Variants in PSIP1 observed in about 807,000 individuals in gnomAD.
PSIP1 encodes the protein PC4 and SFRS1-interacting protein.
In PSIP1, 19 loss-of-function variants were observed where a neutral mutation model predicts 74.7. The observed-to-expected ratio is 0.25, with a 90% CI of 0.18 to 0.37. PSIP1 has a LOEUF of 0.37. Ranked by LOEUF, PSIP1 falls within the 10% of genes least tolerant of loss-of-function variation. The pLI, the probability that PSIP1 is intolerant of heterozygous loss-of-function variation, is 1.00. For synonymous variants in PSIP1, 222 were observed against 195.3 expected (o/e 1.14, Z -1.14); for missense variants, 601 against 614.3 (o/e 0.98, Z 0.23).
At chr9:15,501,300 C>T (rs570317549) in intron 3 of PSIP1, among the ~76,000 whole-genome samples, 2 of 151,850 alleles carry the variant, frequency 1.3e-5, no homozygotes, top group East Asian at 3.9e-4. Context: ...TATTTAACAG[C>T]TACTAAGTGC....
intron 3 of PSIP1, among the ~76,000 whole-genome samples, chr9:15,496,715 T>C (rs2037091349): frequency 6.6e-6 from 1 of 152,226 alleles, no homozygotes; most frequent in African/African-American, 2.4e-5. Context: ...TATCTTAATA[T>C]ACCAAAAATT....
chr9:15,496,431 T>C (rs2037079024), intron 3 of PSIP1, among the ~76,000 whole-genome samples: 1 of 152,240 alleles, frequency 6.6e-6, no homozygotes, highest in South Asian at 2.1e-4. Context: ...TTGAGCTTTG[T>C]CTCACAAAAT....
chr9:15,484,434 A>G (rs972992240), intron 6 of PSIP1, among the ~76,000 whole-genome samples: 29 of 151,760 alleles, frequency 1.9e-4, no homozygotes, highest in African/African-American at 6.8e-4. Context: ...CCCCATCTCT[A>G]CTAAAAATAC....
intron 6 of PSIP1, among the ~76,000 whole-genome samples, chr9:15,481,339 A>G (rs191549761): frequency 3.9e-5 from 6 of 152,344 alleles, no homozygotes; most frequent in Admixed American, 2.0e-4. Flanking sequence ...CTTTGGTGCA[A>G]AGAAGACTCT....
rs1261756578 is a variant in PSIP1, at chr9:15,478,534, G to A, written c.572C>T (p.Pro191Leu). The A allele has an allele frequency of 6.2e-7, 1 of 1,602,480 alleles. No individual in the cohort carries two copies. Among genetic ancestry groups the A allele is most frequent in the Non-Finnish European group, 8.5e-7 (1 of 1,170,040 alleles). ...GRPAATEVKI[P>L]KPRGRPKMVK... ...CATTTTGGGTCTGCCTCTTGGTTTT[G>A]GAATCTTGACTTCTGTAGCTAATAT... Residue 191 changes from proline (P) to leucine (L), a missense_variant, in exon 8 of 16, where the codon CCA becomes CTA. Physicochemically the swap from Pro to Leu is moderately conservative, Grantham distance 98. Coordinates refer to ENST00000380733, the MANE Select transcript of PSIP1 (RefSeq NM_033222.5).
In PSIP1 at chr9:15,465,388, G is replaced by C. The variant is rs1352921111; in HGVS notation, c.*132C>G. ...ATGTTTACTTTACTTTAAAACAAAGGGATTTTCTCCCTCAAAACAAGTTTT... is the reference window on the plus strand; with the variant it reads ...ATGTTTACTTTACTTTAAAACAAAGCGATTTTCTCCCTCAAAACAAGTTTT... On this transcript the variant is annotated 3_prime_UTR_variant, in exon 16 of 16. Coordinates refer to ENST00000380733, the MANE Select transcript of PSIP1 (RefSeq NM_033222.5). The C allele has an allele frequency of 4.1e-6, 3 of 738,134 alleles. No individual in the cohort carries two copies. The highest frequency in any genetic ancestry group is 3.9e-5 in the African/African-American group (2 of 51,648). 45.7% of individuals were successfully genotyped at this position (738,134 alleles called of 1,614,324 possible).
intron 3 of PSIP1, 183 bp downstream of exon 3, chr9:15,506,378 T>TA: frequency 2.3e-6 from 1 of 430,418 alleles, no homozygotes; most frequent in Non-Finnish European, 4.1e-6. Flanking sequence ...TCAATTCCAG[T>TA]AAAAAATAAA....
intron 2 of PSIP1, among the ~76,000 whole-genome samples, chr9:15,507,774 C>T (rs1336039477): frequency 6.6e-6 from 1 of 152,028 alleles, no homozygotes; most frequent in Non-Finnish European, 1.5e-5. Context: ...ACCTACTATC[C>T]TCTGTAAGCA....
rs902938480 is a variant in PSIP1, at chr9:15,464,673, A to AT, written c.*846dup. 5.0e-6 allele frequency: 1 copy of AT among 198,082 alleles called. No individual in the cohort carries two copies. The highest frequency in any genetic ancestry group is 2.3e-5 in the African/African-American group (1 of 43,370). 12.3% of individuals were successfully genotyped at this position (198,082 alleles called of 1,614,324 possible). A position where few individuals can be genotyped will look rare whatever the true frequency, so the allele number is the denominator to read the frequency against. ...TAAGTTTTAGTGACTTCCTAAAGAC[A>AT]TTTTTAACAACATTCCTCAAAAATA... On this transcript the variant is annotated 3_prime_UTR_variant, in exon 16 of 16. Transcript: ENST00000380733.
At chr9:15,474,268 G>T in intron 8 of PSIP1, 31 bp from the exon 9 acceptor site, 5 of 1,521,720 alleles carry the variant, frequency 3.3e-6, no homozygotes, top group Non-Finnish European at 4.5e-6. Context: ...ATGTATACTT[G>T]TCATTCAACT....
At chr9:15,488,049 G>A (rs1041555636) in intron 4 of PSIP1, among the ~76,000 whole-genome samples, 1 of 152,126 alleles carries the variant, frequency 6.6e-6, no homozygotes, top group East Asian at 1.9e-4. Context: ...TAAAAAGCTA[G>A]GCCGGGCACA....
chr9:15,503,655 G>C (rs1026896037), intron 3 of PSIP1, among the ~76,000 whole-genome samples: 1 of 150,100 alleles, frequency 6.7e-6, no homozygotes, highest in Non-Finnish European at 1.5e-5. Context: ...ATGAGACTCT[G>C]TCTCCAAAAA....
intron 2 of PSIP1, among the ~76,000 whole-genome samples, chr9:15,509,368 G>A (rs7470146): frequency 2.0e-5 from 3 of 152,066 alleles, no homozygotes; most frequent in African/African-American, 7.2e-5. Flanking sequence ...ATGGAGCGTA[G>A]ATCTTTAAAC....
Position 15,488,893 on chromosome 9 carries a change from C to T in PSIP1, c.288+1093G>A, listed in dbSNP as rs553063653. The stretch of plus-strand genomic sequence containing the variant: ...AAAATTAGCCGGGTGTGGTGGCGGG[C>T]ACCTGTAGTCCCAGCTACTCGGAAG... On this transcript the variant is annotated intron_variant, in intron 4 of 15. Transcript: ENST00000380733. Among the ~76,000 whole-genome samples, 87 of 152,052 alleles carry T rather than the reference C, an allele frequency of 5.7e-4. No individual in the cohort carries two copies. In the East Asian group the frequency reaches 0.012, roughly 21 times the overall value.
chr9:15,476,822 G>C (rs962129669), intron 8 of PSIP1, among the ~76,000 whole-genome samples: 1 of 152,168 alleles, frequency 6.6e-6, no homozygotes, highest in Non-Finnish European at 1.5e-5. Context: ...AAGTAAGTGA[G>C]ATGAGGATAA....
Position 15,510,193 on chromosome 9 carries a change from C to CG in PSIP1, c.-6dup. 1 of 1,602,614 alleles carries CG rather than the reference C, an allele frequency of 6.2e-7. No homozygotes were observed. Among genetic ancestry groups the CG allele is most frequent in the South Asian group, 1.1e-5 (1 of 89,760 alleles). On this transcript the variant is annotated 5_prime_UTR_variant, in exon 2 of 16. Transcript: ENST00000380733. ...AGGTTTGAAATCGCGAGTCATGTTT[C>CG]GGGGGCGAGACCGGGGGTCCGAAGC... is the stretch of plus-strand genomic sequence containing the variant.
chr9:15,488,890 G>A (rs192876261), intron 4 of PSIP1, among the ~76,000 whole-genome samples: 54 of 152,004 alleles, frequency 3.6e-4, no homozygotes, highest in Admixed American at 8.5e-4. Flanking sequence ...GTGTGGTGGC[G>A]GGCACCTGTA....
At chr9:15,479,823 T>C in intron 6 of PSIP1, 136 bp from the exon 7 acceptor site, 1 of 508,140 alleles carries the variant, frequency 2.0e-6, no homozygotes, top group Non-Finnish European at 3.3e-6. Context: ...CTTTTGTTTT[T>C]TCAACAATCA....
At chr9:15,484,654 G>C (rs2036480450) in intron 6 of PSIP1, among the ~76,000 whole-genome samples, 1 of 152,096 alleles carries the variant, frequency 6.6e-6, no homozygotes, top group Admixed American at 6.5e-5. Flanking sequence ...GTGAACCTGG[G>C]AGGTGAAGGT....
Sources: gnomAD v4.1 joint callset for allele counts (sites outside exome capture counted in the v4.1 genomes callset) on GRCh38, gnomAD v4.1.1 for gene constraint, MANE v1.5 for transcripts, NCBI Gene and HGNC (gene_info 2026-07-23, HGNC 2026-07-21) for gene names.